Variants in ATE1 observed in about 807,000 individuals in gnomAD.
The protein encoded by ATE1 is arginyl-tRNA--protein transferase 1.
In ATE1, 36 loss-of-function variants were observed where a neutral mutation model predicts 70.5. That is an observed-to-expected ratio of 0.51 (90% CI 0.39 to 0.67). The LOEUF (loss-of-function observed/expected upper bound fraction) is 0.67, where lower values mean the gene tolerates loss of function less well. Among genes scored for constraint, ATE1 ranks in the 30% least tolerant of loss-of-function variants. The probability of loss-of-function intolerance (pLI) is 0.00; values close to 1 mark genes in which losing one functional copy is unlikely to be tolerated. For missense variants in ATE1, 593 were observed against 629.5 expected (o/e 0.94, Z 0.62); for synonymous variants, 232 against 219.3 (o/e 1.06, Z -0.51).
At chr10:121,928,183 G>A (rs1952183920), upstream of ATE1, 2 of 1,287,880 alleles carry the variant, frequency 1.6e-6, no homozygotes, top group South Asian at 2.2e-5. Flanking sequence ...GGCCGCCGTC[G>A]TCAGTGAGGG....
intron 9 of ATE1, among the ~76,000 whole-genome samples, chr10:121,839,446 A>C (rs1948549477): frequency 6.6e-6 from 1 of 152,234 alleles, no homozygotes; most frequent in Non-Finnish European, 1.5e-5. Flanking sequence ...AAAACCAAAC[A>C]AAACAAAAAA....
At chr10:121,875,308 GT>G (rs869073193) in intron 7 of ATE1, among the ~76,000 whole-genome samples, 34 of 12,570 alleles carry the variant, frequency 2.7e-3, no homozygotes, top group Non-Finnish European at 4.6e-3. Context: ...GTTTTTTTTT[GT>G]TTTTTTTTTT....
intron 11 of ATE1, among the ~76,000 whole-genome samples, chr10:121,774,909 TTGACTA>T (rs1590262452): frequency 6.6e-6 from 1 of 152,188 alleles, no homozygotes; most frequent in East Asian, 1.9e-4. Context: ...AAATGCATCT[TTGACTA>T]TATTACAAAA....
intron 11 of ATE1, among the ~76,000 whole-genome samples, chr10:121,748,319 G>C (rs944279679): frequency 2.6e-5 from 4 of 151,992 alleles, no homozygotes; most frequent in African/African-American, 7.2e-5. Context: ...AAAAATACAA[G>C]ATTATGAAAA....
intron 4 of ATE1, among the ~76,000 whole-genome samples, chr10:121,913,105 T>G (rs911615479): frequency 6.6e-6 from 1 of 152,128 alleles, no homozygotes; most frequent in Non-Finnish European, 1.5e-5. Flanking sequence ...GGTCTCCATC[T>G]CCTGACCTCA....
intron 11 of ATE1, among the ~76,000 whole-genome samples, chr10:121,764,659 G>T (rs900025932): frequency 1.3e-5 from 2 of 151,944 alleles, no homozygotes; most frequent in African/African-American, 4.8e-5. Context: ...ATTTAAAATC[G>T]GTTACACAGA....
At chr10:121,761,499 T>TTA (rs1945037678) in intron 11 of ATE1, among the ~76,000 whole-genome samples, 1 of 152,218 alleles carries the variant, frequency 6.6e-6, no homozygotes, top group African/African-American at 2.4e-5. Context: ...ATTGTGCACT[T>TTA]AATAGACTAC....
At chr10:121,804,608 G>A (rs1947020879) in intron 10 of ATE1, among the ~76,000 whole-genome samples, 2 of 152,112 alleles carry the variant, frequency 1.3e-5, no homozygotes. Flanking sequence ...GGAGCATTGA[G>A]TATGTTTGGA....
intron 7 of ATE1, among the ~76,000 whole-genome samples, chr10:121,888,736 T>G (rs1361649613): frequency 6.6e-6 from 1 of 152,030 alleles, no homozygotes; most frequent in Non-Finnish European, 1.5e-5. Flanking sequence ...CTACTAAAAT[T>G]CCCACCAACA....
chr10:121,794,017 A>G (rs1464141418), intron 10 of ATE1, among the ~76,000 whole-genome samples: 1 of 152,182 alleles, frequency 6.6e-6, no homozygotes, highest in Non-Finnish European at 1.5e-5. Flanking sequence ...AATCCAACTT[A>G]ATTTCTTTCA....
intron 9 of ATE1, among the ~76,000 whole-genome samples, chr10:121,840,210 G>A (rs1184564791): frequency 6.6e-6 from 1 of 152,214 alleles, no homozygotes; most frequent in African/African-American, 2.4e-5. Context: ...ATCTTTTGAT[G>A]AGGGTCATAA....
intron 8 of ATE1, among the ~76,000 whole-genome samples, chr10:121,861,494 A>C (rs1425911073): frequency 1.3e-5 from 2 of 151,352 alleles, no homozygotes; most frequent in African/African-American, 4.9e-5. Context: ...TCGCAAGAAC[A>C]AAAAACCAAA....
intron 7 of ATE1, among the ~76,000 whole-genome samples, chr10:121,897,983 C>T (rs1227207860): frequency 2.0e-5 from 3 of 152,096 alleles, no homozygotes; most frequent in Non-Finnish European, 4.4e-5. Context: ...GCATTAACTC[C>T]TGTTGTATTA....
chr10:121,900,756 T>C (rs1386102474), intron 6 of ATE1, among the ~76,000 whole-genome samples: 1 of 152,136 alleles, frequency 6.6e-6, no homozygotes, highest in Non-Finnish European at 1.5e-5. Context: ...TGGTAAAAGA[T>C]CTCTATACAT....
rs1944186726 is a variant in ATE1 at position 121,742,663 on chromosome 10, T to C, written c.*1017A>G. ...GGCCTCTGCTCTGAGTTACTAAGGG[T>C]GGCAGAAGCCACCCTGACTGTGACT... On this transcript the variant is annotated 3_prime_UTR_variant, in exon 12 of 12. Coordinates refer to ENST00000224652, the MANE Select transcript of ATE1 (RefSeq NM_001001976.3). 2 of 152,168 alleles carry C rather than the reference T, an allele frequency of 1.3e-5. No individual in the cohort carries two copies. Among genetic ancestry groups the C allele is most frequent in the South Asian group, 4.2e-4 (2 of 4,816 alleles). The allele number at this position is 152,168 out of a possible 1,614,324, so 9.4% of individuals were successfully genotyped here. A position where few individuals can be genotyped will look rare whatever the true frequency, so the allele number is the denominator to read the frequency against.
chr10:121,822,833 C>A (rs1023331143), intron 10 of ATE1, among the ~76,000 whole-genome samples: 4 of 152,174 alleles, frequency 2.6e-5, no homozygotes, highest in Non-Finnish European at 4.4e-5. Flanking sequence ...AGGTAAGACA[C>A]AGTTTGCTCA....
chr10:121,848,639 G>T (rs889101879), intron 8 of ATE1, among the ~76,000 whole-genome samples: 2 of 149,526 alleles, frequency 1.3e-5, no homozygotes, highest in African/African-American at 2.5e-5. Context: ...GGCCAGGTGC[G>T]GTGGCTCATG....
intron 10 of ATE1, among the ~76,000 whole-genome samples, chr10:121,816,494 C>G (rs1947547499): frequency 6.6e-6 from 1 of 152,180 alleles, no homozygotes; most frequent in Non-Finnish European, 1.5e-5. Context: ...CACTCTTCCA[C>G]CAGGTAAGGG....
At chr10:121,803,961 G>A (rs1156844679) in intron 10 of ATE1, among the ~76,000 whole-genome samples, 1 of 152,156 alleles carries the variant, frequency 6.6e-6, no homozygotes, top group South Asian at 2.1e-4. Flanking sequence ...GCAGCAGTAG[G>A]GGTTCTGGTA....
Sources: gnomAD v4.1 joint callset for allele counts (sites outside exome capture counted in the v4.1 genomes callset) on GRCh38, gnomAD v4.1.1 for gene constraint, MANE v1.5 for transcripts, NCBI Gene and HGNC (gene_info 2026-07-23, HGNC 2026-07-21) for gene names.